RALGDS: variants seen among roughly 807,000 people sequenced by gnomAD.
RALGDS encodes ral guanine nucleotide exchange factor.
Under a neutral mutation model 99.8 loss-of-function variants are expected in RALGDS, and 44 were observed. That is an observed-to-expected ratio of 0.44 (90% CI 0.35 to 0.57). RALGDS has a LOEUF of 0.57. Ranked by LOEUF, RALGDS falls within the 20% of genes least tolerant of loss-of-function variation. The probability of loss-of-function intolerance (pLI) is 0.01; values close to 1 mark genes in which losing one functional copy is unlikely to be tolerated. For synonymous variants in RALGDS, 529 were observed against 505.0 expected (o/e 1.05, Z -0.64); for missense variants, 1,022 against 1,203.1 (o/e 0.85, Z 2.23).
chr9:133,126,819 G>GA (rs1292501419), intron 1 of RALGDS, among the ~76,000 whole-genome samples: 2 of 152,234 alleles, frequency 1.3e-5, no homozygotes, highest in Non-Finnish European at 2.9e-5. Context: ...GGCGAGGAGC[G>GA]ATTCCTTGGG....
chr9:133,131,698 C>T (rs546721334), upstream of RALGDS, among the ~76,000 whole-genome samples: 1 of 152,312 alleles, frequency 6.6e-6, no homozygotes, highest in South Asian at 2.1e-4. Context: ...CCACTGGCCT[C>T]TCTTGCGCAC....
At chr9:133,120,696 C>T (rs535168172) in intron 1 of RALGDS, among the ~76,000 whole-genome samples, 5 of 152,222 alleles carry the variant, frequency 3.3e-5, no homozygotes, top group East Asian at 3.8e-4. Context: ...TGGGCTGCAG[C>T]GGCCTTGGTG....
upstream of RALGDS, among the ~76,000 whole-genome samples, chr9:133,132,467 G>C (rs185276267): frequency 3.8e-3 from 578 of 152,218 alleles, 1 homozygote; most frequent in African/African-American, 0.013. Context: ...GTGGTTTGAG[G>C]GGGTGGGGAG....
At chr9:133,137,865 A>G (rs1009707147) in intron 1 of RALGDS, among the ~76,000 whole-genome samples, 1 of 150,694 alleles carries the variant, frequency 6.6e-6, no homozygotes, top group Non-Finnish European at 1.5e-5. Context: ...GTGGGCAGAG[A>G]CCCCTCCCCA....
chr9:133,108,910 CCT>C (rs1248819724), intron 4 of RALGDS, 44 bp from the exon 5 acceptor site: 4 of 1,553,376 alleles, frequency 2.6e-6, no homozygotes, highest in South Asian at 1.1e-5. Context: ...CCTGGGCTCC[CCT>C]GAGCCAGGCT....
At chr9:133,099,822 T>C (rs1334038216) in intron 17 of RALGDS, 1 of 209,046 alleles carries the variant, frequency 4.8e-6, no homozygotes, top group African/African-American at 2.3e-5. Flanking sequence ...CTTGACACTT[T>C]CCCAGTTTCT....
Position 133,108,294 on chromosome 9 carries a change from T to C in RALGDS, c.891A>G (p.Pro297=). ...PAPAPEPEPA[P]TPAPGSELEV... ...CTAGCTCTGAACCTGGAGCTGGTGT[T>C]GGAGCTGGCTCTGGCTCCGGGGCTG... Residue 297 remains proline, a synonymous_variant, in exon 6 of 18, where the codon CCA becomes CCG. Transcript: ENST00000372050. The C allele has an allele frequency of 6.4e-7, 1 of 1,556,640 alleles. No homozygotes were observed. Among genetic ancestry groups the C allele is most frequent in the Non-Finnish European group, 8.7e-7 (1 of 1,151,112 alleles).
At position 133,102,045 on chromosome 9, in the gene RALGDS, C is replaced by T. The variant is rs916517753; in HGVS notation, c.2104G>A (p.Asp702Asn). Residue 702 changes from aspartate to asparagine, a missense_variant, in exon 15 of 18, where the codon GAC (aspartate) becomes AAC (asparagine). This residue lies in a region of RALGDS where 825 missense variants were observed against 994.5 expected (regional missense o/e 0.83). Coordinates refer to ENST00000372050, the MANE Select transcript of RALGDS (RefSeq NM_006266.4). Reference protein sequence around the residue: ...LRCGPYLSSGDIADALSVHSA... With the variant: ...LRCGPYLSSGNIADALSVHSA... ...TGCACGCTGAGCGCGTCAGCGATGTCCCCGCTGCTGAGGTAGGGGCCACAC... is the reference window on the plus strand; with the variant it reads ...TGCACGCTGAGCGCGTCAGCGATGTTCCCGCTGCTGAGGTAGGGGCCACAC... 3 of 1,559,716 alleles carry T rather than the reference C, an allele frequency of 1.9e-6. No individual in the cohort carries two copies. Among genetic ancestry groups the T allele is most frequent in the Non-Finnish European group, 2.6e-6 (3 of 1,151,554 alleles).
upstream of RALGDS, among the ~76,000 whole-genome samples, chr9:133,126,115 G>T (rs747812206): frequency 6.6e-6 from 1 of 152,130 alleles, no homozygotes; most frequent in African/African-American, 2.4e-5. Context: ...AGATCACTAA[G>T]CACTGCCCGG....
chr9:133,148,264 G>A (rs933676437), intron 1 of RALGDS, among the ~76,000 whole-genome samples: 3 of 152,212 alleles, frequency 2.0e-5, no homozygotes, highest in African/African-American at 4.8e-5. Context: ...CCACACTGAA[G>A]GGGTCTTTTC....
At chr9:133,129,169 C>T in intron 1 of RALGDS, 1 of 1,596,666 alleles carries the variant, frequency 6.3e-7, no homozygotes, top group Non-Finnish European at 8.5e-7. Context: ...GCAGAGGTGC[C>T]AGCCAAGGTG....
intron 10 of RALGDS, among the ~76,000 whole-genome samples, 176 bp from the exon 11 acceptor site, chr9:133,104,009 A>T (rs368237211): frequency 6.6e-6 from 1 of 152,066 alleles, no homozygotes; most frequent in East Asian, 1.9e-4. Context: ...CATCTGGGAA[A>T]TGCCAGGTTC....
upstream of RALGDS, among the ~76,000 whole-genome samples, chr9:133,122,947 G>A (rs548513634): frequency 2.0e-5 from 3 of 152,040 alleles, no homozygotes; most frequent in South Asian, 4.2e-4. Context: ...CAAGTGAACC[G>A]CTCGCCTCGG....
rs566098417 is a variant in RALGDS, at chr9:133,129,084, C to G, written c.132+1868G>C. ...AGCAACTCCCATGCCTGGGGCTCGGCGGTGACCCACCCAGCCCCTCCCCGG... is the reference window on the plus strand; with the variant it reads ...AGCAACTCCCATGCCTGGGGCTCGGGGGTGACCCACCCAGCCCCTCCCCGG... On this transcript the variant is annotated intron_variant, in intron 1 of 17. Transcript: ENST00000372062. 2.5e-5 allele frequency: 37 copies of G among 1,500,294 alleles called. No individual in the cohort carries two copies. In the South Asian group the frequency reaches 4.1e-4, roughly 16 times the overall value. 92.9% of individuals were successfully genotyped at this position (1,500,294 alleles called of 1,614,324 possible).
At chr9:133,103,104 C>G in intron 12 of RALGDS, 126 bp downstream of exon 12, 2 of 1,423,306 alleles carry the variant, frequency 1.4e-6, no homozygotes, top group South Asian at 2.4e-5. Flanking sequence ...GAGGGGACCC[C>G]CTTCTCTCTG....
intron 1 of RALGDS, chr9:133,129,153 G>T (rs1832255136): frequency 6.3e-7 from 1 of 1,594,808 alleles, no homozygotes; most frequent in African/African-American, 1.3e-5. Context: ...GTGGTGGCCG[G>T]TGCTGGCAGA....
chr9:133,112,272 G>C, intron 1 of RALGDS, 120 bp from the exon 2 acceptor site: 1 of 709,902 alleles, frequency 1.4e-6, no homozygotes. Flanking sequence ...CGGCTGCACA[G>C]ACCTACAGCC....
chr9:133,117,786 A>G (rs1046102454), intron 1 of RALGDS, among the ~76,000 whole-genome samples: 2 of 152,238 alleles, frequency 1.3e-5, no homozygotes, highest in African/African-American at 4.8e-5. Context: ...TGGGCGGCCA[A>G]CCAGCAGCTC....
intron 1 of RALGDS, among the ~76,000 whole-genome samples, chr9:133,141,649 C>G (rs748096652): frequency 6.6e-6 from 1 of 152,188 alleles, no homozygotes; most frequent in Non-Finnish European, 1.5e-5. Flanking sequence ...AGGTGGATGC[C>G]GACATGTGAG....
Sources: allele counts gnomAD v4.1 joint callset (sites outside exome capture counted in the v4.1 genomes callset), GRCh38; gene constraint gnomAD v4.1.1; regional missense constraint gnomAD v4.1.1; transcripts MANE v1.5; gene names NCBI Gene and HGNC (gene_info 2026-07-23, HGNC 2026-07-21).